The following FOSL1 variants were observed in gnomAD, a reference collection of about 807,000 sequenced individuals.
The protein encoded by FOSL1 is fos-related antigen 1.
In FOSL1, 14 loss-of-function variants were observed where a neutral mutation model predicts 24.9. The observed-to-expected ratio is 0.56, with a 90% CI of 0.37 to 0.88. FOSL1 has a LOEUF of 0.88. Ranked by LOEUF, FOSL1 falls within the 40% of genes least tolerant of loss-of-function variation. The pLI is 0.00. For synonymous variants in FOSL1, 133 were observed against 145.1 expected (o/e 0.92, Z 0.60); for missense variants, 318 against 359.8 (o/e 0.88, Z 0.94).
chr11:65,895,349 C>T (rs1218378620), intron 2 of FOSL1, among the ~76,000 whole-genome samples: 1 of 152,076 alleles, frequency 6.6e-6, no homozygotes, highest in African/African-American at 2.4e-5. Context: ...TGGTCTCGAT[C>T]TCCTGACCTC....
At chr11:65,897,362 TG>T (rs1212547787) in intron 1 of FOSL1, among the ~76,000 whole-genome samples, 6 of 150,272 alleles carry the variant, frequency 4.0e-5, no homozygotes, top group Non-Finnish European at 7.4e-5. Context: ...TTTTTTCAGA[TG>T]GAGTCTCACT....
intron 1 of FOSL1, among the ~76,000 whole-genome samples, chr11:65,898,358 A>T (rs1403968595): frequency 1.3e-5 from 2 of 151,134 alleles, no homozygotes; most frequent in Non-Finnish European, 3.0e-5. Context: ...TTTTTTTTAA[A>T]TTTTTTTGTA....
At chr11:65,893,684 A>T (rs139306103) in intron 3 of FOSL1, among the ~76,000 whole-genome samples, 1 of 152,026 alleles carries the variant, frequency 6.6e-6, no homozygotes, top group East Asian at 1.9e-4. Context: ...CCAGGTACTC[A>T]GCAGGCTGAG....
At chr11:65,896,080 A>C (rs966032549) in intron 2 of FOSL1, among the ~76,000 whole-genome samples, 2 of 151,954 alleles carry the variant, frequency 1.3e-5, no homozygotes, top group African/African-American at 4.8e-5. Flanking sequence ...TGCCCAACCT[A>C]GTCTTGAACT....
At chr11:65,894,727 G>A (rs1860480202) in intron 2 of FOSL1, among the ~76,000 whole-genome samples, 1 of 151,980 alleles carries the variant, frequency 6.6e-6, no homozygotes, top group Non-Finnish European at 1.5e-5. Flanking sequence ...CCCAATCTTG[G>A]CTCACTGCAA....
At chr11:65,895,180 G>A (rs1860495613) in intron 2 of FOSL1, among the ~76,000 whole-genome samples, 1 of 141,782 alleles carries the variant, frequency 7.1e-6, no homozygotes, top group African/African-American at 2.6e-5. Context: ...CTGGAGTGCA[G>A]TGGTGCCATC....
chr11:65,894,920 G>T (rs1860485050), intron 2 of FOSL1, among the ~76,000 whole-genome samples: 1 of 150,608 alleles, frequency 6.6e-6, no homozygotes, highest in African/African-American at 2.4e-5. Context: ...GCCTCCCAAA[G>T]TGCTGGGATT....
At position 65,892,902 on chromosome 11, in the gene FOSL1, G is replaced by T. The variant is rs572658659; in HGVS notation, c.800C>A (p.Thr267Asn). The change falls in exon 4 of 4, where the codon ACC becomes AAC. Residue 267 changes from threonine to asparagine, a missense_variant. Transcript: ENST00000312562. ...DPSSDPLGSP[T>N]LLAL ...TCAGGCGCCTCACAAAGCGAGGAGG[G>T]TTGGAGAGCCAAGGGGGTCAGAGGA... The T allele has an allele frequency of 4.3e-6, 7 of 1,611,718 alleles. No homozygotes were observed. In the African/African-American group the frequency reaches 9.3e-5, roughly 21 times the overall value.
Position 65,900,230 on chromosome 11 carries a change from G to T in FOSL1, c.99+11C>A. On this transcript the variant is annotated intron_variant, in intron 1 of 3. Transcript: ENST00000312562. ...CCTCCCGTGGGACCACCGGCGTCGG[G>T]CCCCACTCACCTGCTGGGCTGCCTG... is the stretch of plus-strand genomic sequence containing the variant. 4 of 1,217,094 alleles carry T rather than the reference G, an allele frequency of 3.3e-6. No individual in the cohort carries two copies. Among genetic ancestry groups the T allele is most frequent in the Non-Finnish European group, 4.1e-6 (4 of 972,034 alleles). The allele number at this position is 1,217,094 out of a possible 1,614,324, so 75.4% of individuals were successfully genotyped here.
chr11:65,898,667 A>G (rs1860591559), intron 1 of FOSL1, among the ~76,000 whole-genome samples: 1 of 152,176 alleles, frequency 6.6e-6, no homozygotes, highest in African/African-American at 2.4e-5. Context: ...TTAATTGGCA[A>G]TTTAAAAAAT....
At chr11:65,895,727 C>T (rs1180483193) in intron 2 of FOSL1, among the ~76,000 whole-genome samples, 1 of 150,928 alleles carries the variant, frequency 6.6e-6, no homozygotes, top group Non-Finnish European at 1.5e-5. Flanking sequence ...ACCACAAAGG[C>T]CAGACATTCT....
rs1207594185 is a variant in FOSL1, at chr11:65,893,303, A to G, written c.406-7T>C. The G allele has an allele frequency of 1.3e-6, 2 of 1,598,458 alleles. No homozygotes were observed. ...CTTCCAGTTTGTCAGTCTCCTGTAG[A>G]AGATCAGGAGAGGAGTCAGAAAGGT... On this transcript the variant is annotated splice_region_variant and splice_polypyrimidine_tract_variant and intron_variant, in intron 3 of 3. Coordinates refer to ENST00000312562, the MANE Select transcript of FOSL1 (RefSeq NM_005438.5).
At chr11:65,893,820 C>T (rs10791830) in intron 3 of FOSL1, among the ~76,000 whole-genome samples, 194 bp downstream of exon 3, 32,522 of 151,960 alleles carry the variant, frequency 0.21, 3,814 homozygotes, top group East Asian at 0.41. Context: ...AGATTGCTGG[C>T]TGAGCTTCAG....
In FOSL1 at chr11:65,892,428, G is replaced by A. The variant is rs1292642593; in HGVS notation, c.*458C>T. The A allele has an allele frequency of 2.6e-6, 1 of 378,176 alleles. No individual in the cohort carries two copies. The highest frequency in any genetic ancestry group is 2.1e-5 in the African/African-American group (1 of 47,480). 23.4% of individuals were successfully genotyped at this position (378,176 alleles called of 1,614,324 possible). On this transcript the variant is annotated 3_prime_UTR_variant, in exon 4 of 4. Transcript: ENST00000312562. ...TCAGGAGGGGGCGGCAGAATGGCCT[G>A]GTCCAATCACCTGCTGCTGCTGGCA...
intron 2 of FOSL1, 36 bp downstream of exon 2, chr11:65,896,773 C>A: frequency 1.3e-6 from 2 of 1,523,438 alleles, no homozygotes; most frequent in Non-Finnish European, 1.8e-6. Context: ...CACTCCTGGG[C>A]GGGGTCGGAA....
chr11:65,892,515 T>G lies in FOSL1; in HGVS notation c.*371A>C. 2 of 477,058 alleles carry G rather than the reference T, an allele frequency of 4.2e-6. No homozygotes were observed. Among genetic ancestry groups the G allele is most frequent in the Non-Finnish European group, 8.3e-6 (2 of 241,774 alleles). 29.6% of individuals were successfully genotyped at this position (477,058 alleles called of 1,614,324 possible). A position where few individuals can be genotyped will look rare whatever the true frequency, so the allele number is the denominator to read the frequency against. On this transcript the variant is annotated 3_prime_UTR_variant, in exon 4 of 4. Transcript: ENST00000312562. ...TGGCACCTTCTGTCAGGAGATAGGGTTGGGTGGATCACAGGAAGAGGGTGA... is the reference window on the plus strand; with the variant it reads ...TGGCACCTTCTGTCAGGAGATAGGGGTGGGTGGATCACAGGAAGAGGGTGA...
chr11:65,895,318 G>A (rs1696290085), intron 2 of FOSL1, among the ~76,000 whole-genome samples: 1 of 151,690 alleles, frequency 6.6e-6, no homozygotes, highest in African/African-American at 2.4e-5. Context: ...TAGAGACACG[G>A]TTTCATCATG....
chr11:65,893,289 T>C lies in FOSL1; in HGVS notation c.413A>G (p.Asp138Gly). ...CCCAGATTTCTCATCTTCCAGTTTG[T>C]CAGTCTCCTGTAGAAGATCAGGAGA... ...ELTDFLQAETDKLEDEKSGLQ... is the reference protein window; with the variant it reads ...ELTDFLQAETGKLEDEKSGLQ... The change falls in exon 4 of 4, where the codon GAC (aspartate) becomes GGC (glycine). Residue 138 changes from aspartate (D) to glycine (G), a missense_variant. Physicochemically the swap from Asp to Gly is moderately conservative, Grantham distance 94. Transcript: ENST00000312562. 3.1e-6 allele frequency: 5 copies of C among 1,607,854 alleles called. No individual in the cohort carries two copies. The South Asian group carries it at 4.4e-5, about 14-fold the overall frequency.
In FOSL1 at chr11:65,893,300, TAGA is replaced by T; in HGVS notation, c.406-7_406-5del. The T allele has an allele frequency of 3.1e-6, 5 of 1,599,532 alleles. No individual in the cohort carries two copies. The highest frequency in any genetic ancestry group is 4.3e-6 in the Non-Finnish European group (5 of 1,172,718). On this transcript the variant is annotated splice_region_variant and splice_polypyrimidine_tract_variant and intron_variant, in intron 3 of 3. Coordinates refer to ENST00000312562, the MANE Select transcript of FOSL1 (RefSeq NM_005438.5). ...CATCTTCCAGTTTGTCAGTCTCCTG[TAGA>T]AGATCAGGAGAGGAGTCAGAAAGGT...
Sources: gnomAD v4.1 joint callset for allele counts (sites outside exome capture counted in the v4.1 genomes callset) on GRCh38, gnomAD v4.1.1 for gene constraint, MANE v1.5 for transcripts, NCBI Gene and HGNC (gene_info 2026-07-23, HGNC 2026-07-21) for gene names.